Variants in TRPC7 observed in about 807,000 individuals in gnomAD.
TRPC7 encodes the protein short transient receptor potential channel 7.
Under a neutral mutation model 90.1 loss-of-function variants are expected in TRPC7, and 42 were observed. The observed-to-expected ratio is 0.47, with a 90% CI of 0.36 to 0.60. The LOEUF is 0.60. TRPC7 is among the 20% of genes least tolerant of loss of function. TRPC7 has a pLI of 0.00. For synonymous variants in TRPC7, 451 were observed against 436.3 expected (o/e 1.03, Z -0.42); for missense variants, 955 against 1,112.3 (o/e 0.86, Z 2.01).
At chr5:136,290,572 A>G (rs1757906797) in intron 3 of TRPC7, among the ~76,000 whole-genome samples, 1 of 152,234 alleles carries the variant, frequency 6.6e-6, no homozygotes, top group Non-Finnish European at 1.5e-5. Context: ...GAAATGAAGC[A>G]TGAAGAGAAG....
chr5:136,281,596 C>T (rs1757552095), intron 3 of TRPC7, among the ~76,000 whole-genome samples: 1 of 152,112 alleles, frequency 6.6e-6, no homozygotes, highest in South Asian at 2.1e-4. Context: ...CTGTGCTGTG[C>T]CTTGGTTGCA....
chr5:136,351,630 C>T (rs1760198940), intron 2 of TRPC7, among the ~76,000 whole-genome samples: 1 of 152,158 alleles, frequency 6.6e-6, no homozygotes. Flanking sequence ...CCTGGCACAA[C>T]AAGACAAAGT....
chr5:136,230,006 G>A (rs1755766082), intron 8 of TRPC7, among the ~76,000 whole-genome samples: 1 of 152,156 alleles, frequency 6.6e-6, no homozygotes, highest in Non-Finnish European at 1.5e-5. Flanking sequence ...ACTTAATAAT[G>A]TGTTAGGGAT....
At chr5:136,356,254 C>T (rs1760369075) in intron 2 of TRPC7, among the ~76,000 whole-genome samples, 1 of 152,188 alleles carries the variant, frequency 6.6e-6, no homozygotes, top group South Asian at 2.1e-4. Flanking sequence ...AGGAAATAAC[C>T]ACAGGTCCTT....
At position 136,262,114 on chromosome 5, in the gene TRPC7, C is replaced by T. The variant is rs534969521; in HGVS notation, c.1345+4106G>A. Reference sequence around the variant, plus strand: ...TGCCACCTCCTCAAACCAGCCATTTCCTTCCTGTCTAAATTACTGCAGTGG... The same window carrying T: ...TGCCACCTCCTCAAACCAGCCATTTTCTTCCTGTCTAAATTACTGCAGTGG... On this transcript the variant is annotated intron_variant, in intron 5 of 11. Transcript: ENST00000513104. Among the ~76,000 whole-genome samples the T allele has an allele frequency of 2.0e-5, 3 of 152,320 alleles. No individual in the cohort carries two copies. The South Asian group carries it at 6.2e-4, about 32-fold the overall frequency.
At chr5:136,225,921 C>T in intron 9 of TRPC7, 113 bp downstream of exon 9, 1 of 872,076 alleles carries the variant, frequency 1.1e-6, no homozygotes, top group Non-Finnish European at 1.8e-6. Context: ...CTCCCAGCTC[C>T]TGGCTCCCCT....
chr5:136,342,762 G>T (rs147677197), intron 2 of TRPC7, among the ~76,000 whole-genome samples: 1 of 152,178 alleles, frequency 6.6e-6, no homozygotes, highest in Admixed American at 6.5e-5. Context: ...AGAAAAGCAG[G>T]ATTCCAAATT....
chr5:136,294,499 C>A (rs1758086577), intron 3 of TRPC7, among the ~76,000 whole-genome samples: 1 of 152,024 alleles, frequency 6.6e-6, no homozygotes, highest in South Asian at 2.1e-4. Flanking sequence ...AGACACTTCT[C>A]AAAAGAAGAC....
chr5:136,321,491 A>G (rs895271430), intron 2 of TRPC7, among the ~76,000 whole-genome samples: 6 of 152,194 alleles, frequency 3.9e-5, no homozygotes, highest in African/African-American at 1.4e-4. Flanking sequence ...TAAGGTACAC[A>G]CTGTTCAATC....
At chr5:136,292,935 G>C (rs1322516567) in intron 3 of TRPC7, among the ~76,000 whole-genome samples, 1 of 152,142 alleles carries the variant, frequency 6.6e-6, no homozygotes, top group Non-Finnish European at 1.5e-5. Context: ...ACATCAAAAA[G>C]CTTATCCACC....
chr5:136,341,055 G>A (rs1759828377), intron 2 of TRPC7, among the ~76,000 whole-genome samples: 2 of 152,078 alleles, frequency 1.3e-5, no homozygotes, highest in South Asian at 4.1e-4. Flanking sequence ...CTTCTGGGAG[G>A]GCAATTATCA....
Position 136,365,342 on chromosome 5 carries a change from G to T in TRPC7, c.-88C>A. The T allele has an allele frequency of 2.2e-6, 3 of 1,366,982 alleles. No individual in the cohort carries two copies. Among genetic ancestry groups the T allele is most frequent in the Non-Finnish European group, 2.0e-6 (2 of 991,796 alleles). 84.7% of individuals were successfully genotyped at this position (1,366,982 alleles called of 1,614,324 possible). A position where few individuals can be genotyped will look rare whatever the true frequency, so the allele number is the denominator to read the frequency against. On this transcript the variant is annotated 5_prime_UTR_variant, in exon 1 of 12. Coordinates refer to ENST00000513104, the MANE Select transcript of TRPC7 (RefSeq NM_020389.3). ...AGAAGCTGGCTCCCCATGGGTGGTA[G>T]CCAAGGATGTACCGCTCTCCGTGGT...
intron 5 of TRPC7, among the ~76,000 whole-genome samples, chr5:136,261,214 A>T (rs904874811): frequency 3.3e-5 from 5 of 152,204 alleles, no homozygotes; most frequent in Non-Finnish European, 7.3e-5. Flanking sequence ...ATAATTAAAG[A>T]GCTCCAGATG....
intron 3 of TRPC7, among the ~76,000 whole-genome samples, chr5:136,309,186 G>A (rs1280533917): frequency 6.6e-6 from 1 of 152,204 alleles, no homozygotes; most frequent in Non-Finnish European, 1.5e-5. Context: ...TGTGCTCCCA[G>A]CCCATGTCTA....
intron 5 of TRPC7, among the ~76,000 whole-genome samples, chr5:136,262,836 A>G (rs1046038585): frequency 7.9e-5 from 12 of 152,200 alleles, no homozygotes; most frequent in Non-Finnish European, 1.3e-4. Flanking sequence ...GGCACATTCC[A>G]GTCTGTAGTG....
At chr5:136,280,130 A>C (rs1757499100) in intron 3 of TRPC7, among the ~76,000 whole-genome samples, 1 of 152,190 alleles carries the variant, frequency 6.6e-6, no homozygotes, top group Admixed American at 6.5e-5. Context: ...ACTGCTCTCC[A>C]ACCTGGGCGA....
chr5:136,225,419 C>G, intron 9 of TRPC7, 65 bp from the exon 10 acceptor site: 2 of 1,472,402 alleles, frequency 1.4e-6, no homozygotes, highest in Non-Finnish European at 1.9e-6. Flanking sequence ...CTACATATCT[C>G]GTAGGACTTG....
At chr5:136,295,061 T>A (rs1758114076) in intron 3 of TRPC7, among the ~76,000 whole-genome samples, 1 of 152,024 alleles carries the variant, frequency 6.6e-6, no homozygotes, top group Non-Finnish European at 1.5e-5. Flanking sequence ...CACTGCATGT[T>A]CTTACTGATA....
intron 3 of TRPC7, among the ~76,000 whole-genome samples, chr5:136,304,749 A>G (rs1383417560): frequency 6.6e-6 from 1 of 152,126 alleles, no homozygotes; most frequent in Non-Finnish European, 1.5e-5. Flanking sequence ...TCTCGGCATA[A>G]TTCTCATAAA....
Sources: gnomAD v4.1 joint callset for allele counts (sites outside exome capture counted in the v4.1 genomes callset) on GRCh38, gnomAD v4.1.1 for gene constraint, MANE v1.5 for transcripts, NCBI Gene and HGNC (gene_info 2026-07-23, HGNC 2026-07-21) for gene names.